PCDH15: variants seen among roughly 807,000 people sequenced by gnomAD.
PCDH15 encodes the protein protocadherin related 15.
A neutral mutation model predicts 178.5 loss-of-function variants in PCDH15; 129 were observed. That is an observed-to-expected ratio of 0.72 (90% confidence interval 0.63 to 0.84). The LOEUF (loss-of-function observed/expected upper bound fraction) is 0.84. Among genes scored for constraint, PCDH15 ranks in the 40% least tolerant of loss-of-function variants. The pLI is 0.00. For missense variants in PCDH15, 2,230 were observed against 2,099.9 expected (o/e 1.06, Z -1.21); for synonymous variants, 800 against 732.0 (o/e 1.09, Z -1.50).
At chr10:54,968,791 G>A (rs1341005422) in intron 2 of PCDH15, among the ~76,000 whole-genome samples, 6 of 151,938 alleles carry the variant, frequency 3.9e-5, no homozygotes, top group Non-Finnish European at 8.8e-5. Flanking sequence ...TGGATGCTCT[G>A]TTTATTTTGG....
intron 2 of PCDH15, chr10:54,600,036 A>C: frequency 7.5e-7 from 1 of 1,335,210 alleles, no homozygotes. Flanking sequence ...AAGTGGGGAA[A>C]GGTGAACAGA....
At chr10:53,906,657 A>T (rs1175776405) in intron 25 of PCDH15, among the ~76,000 whole-genome samples, 3 of 152,240 alleles carry the variant, frequency 2.0e-5, no homozygotes, top group East Asian at 3.8e-4. Context: ...AATCAAAGTG[A>T]AGTAAGTCCA....
At position 55,067,063 on chromosome 10, in the gene PCDH15, G is replaced by A. The variant is rs187986445; in HGVS notation, c.-80+99513C>T. ...TATGTATCAACAAACGAAGAAAAGA[G>A]AGACATGAAAGAGGTGATTTCTCTC... On this transcript the variant is annotated intron_variant, in intron 2 of 5. Transcript: ENST00000458638. Among the ~76,000 whole-genome samples, 235 of 152,050 alleles carry A rather than the reference G, an allele frequency of 1.5e-3. 1 individual carries two copies. Among genetic ancestry groups the A allele is most frequent in the Middle Eastern group, 6.8e-3 (2 of 294 alleles).
intron 18 of PCDH15, among the ~76,000 whole-genome samples, chr10:54,060,271 C>T (rs1301913341): frequency 6.6e-6 from 1 of 152,126 alleles, no homozygotes; most frequent in Non-Finnish European, 1.5e-5. Flanking sequence ...AATCATTTAT[C>T]AACTTAAGAT....
chr10:55,367,883 A>G (rs1845406674), intron 2 of PCDH15, among the ~76,000 whole-genome samples: 1 of 152,132 alleles, frequency 6.6e-6, no homozygotes, highest in African/African-American at 2.4e-5. Flanking sequence ...CTGAGCCTTT[A>G]AATTAATTTT....
chr10:55,021,593 T>C (rs1393941551), intron 2 of PCDH15, among the ~76,000 whole-genome samples: 1 of 152,180 alleles, frequency 6.6e-6, no homozygotes, highest in Non-Finnish European at 1.5e-5. Flanking sequence ...CCCCATAATA[T>C]GTTAAAATAA....
At chr10:55,123,004 T>TC (rs994475817) in intron 2 of PCDH15, among the ~76,000 whole-genome samples, 9 of 152,068 alleles carry the variant, frequency 5.9e-5, no homozygotes, top group African/African-American at 1.9e-4. Context: ...CCATTGAAAA[T>TC]CACATTTCCT....
intron 7 of PCDH15, 94 bp downstream of exon 7, chr10:54,329,502 G>A: frequency 1.1e-6 from 1 of 891,812 alleles, no homozygotes; most frequent in Non-Finnish European, 1.9e-6. Flanking sequence ...AGAAGTGAGT[G>A]GCACAGAGCT....
chr10:54,120,485 C>T (rs1370178117), intron 15 of PCDH15, among the ~76,000 whole-genome samples: 1 of 152,012 alleles, frequency 6.6e-6, no homozygotes, highest in Non-Finnish European at 1.5e-5. Context: ...GGATTAAAAA[C>T]AAAACAAAAC....
chr10:54,936,056 C>T (rs1410121146), intron 2 of PCDH15, among the ~76,000 whole-genome samples: 2 of 151,914 alleles, frequency 1.3e-5, no homozygotes, highest in Non-Finnish European at 2.9e-5. Context: ...CCCTCAATAC[C>T]CTCAGTTCTA....
chr10:54,731,207 C>A (rs1246670222), intron 1 of PCDH15, among the ~76,000 whole-genome samples: 5 of 150,918 alleles, frequency 3.3e-5, no homozygotes, highest in African/African-American at 1.2e-4. Flanking sequence ...CTCAAAAGTG[C>A]AATGAGCTAT....
chr10:53,836,532 G>A (rs2132702610), intron 29 of PCDH15, among the ~76,000 whole-genome samples: 2 of 152,292 alleles, frequency 1.3e-5, no homozygotes, highest in South Asian at 4.1e-4. Flanking sequence ...TCTATTCTAA[G>A]ACTGAGTTGA....
chr10:54,167,761 C>T lies in PCDH15; in HGVS notation c.1591-14468G>A, dbSNP rs867729026. Among the ~76,000 whole-genome samples the T allele has an allele frequency of 2.4e-3, 349 of 147,338 alleles. 3 individuals carry two copies. The highest frequency in any genetic ancestry group is 8.4e-3 in the African/African-American group (315 of 37,434). On this transcript the variant is annotated intron_variant, in intron 13 of 37. Coordinates refer to ENST00000644397, the MANE Select transcript of PCDH15 (RefSeq NM_001384140.1). Reference sequence around the variant, plus strand: ...TCCGCACCCCAACCTCTTATCTCTGCGCCCCAATCCCTTATTTCCGCACCC... The same window carrying T: ...TCCGCACCCCAACCTCTTATCTCTGTGCCCCAATCCCTTATTTCCGCACCC...
At chr10:54,925,434 T>C (rs1837593689) in intron 2 of PCDH15, among the ~76,000 whole-genome samples, 1 of 152,198 alleles carries the variant, frequency 6.6e-6, no homozygotes, top group Non-Finnish European at 1.5e-5. Flanking sequence ...AGGCGTTTTT[T>C]TTTGTTTTCA....
At chr10:55,188,745 GC>G (rs1341498945) in intron 1 of PCDH15, among the ~76,000 whole-genome samples, 1 of 151,346 alleles carries the variant, frequency 6.6e-6, no homozygotes, top group African/African-American at 2.4e-5. Context: ...AATAGCCTTT[GC>G]TATTTTATCT....
intron 2 of PCDH15, among the ~76,000 whole-genome samples, chr10:55,136,981 T>C (rs544662114): frequency 6.6e-6 from 1 of 152,330 alleles, no homozygotes; most frequent in South Asian, 2.1e-4. Context: ...GTATTAACTA[T>C]ATTTGTGAGA....
intron 8 of PCDH15, among the ~76,000 whole-genome samples, chr10:54,299,433 G>C (rs2060016918): frequency 6.6e-6 from 1 of 152,298 alleles, no homozygotes; most frequent in South Asian, 2.1e-4. Flanking sequence ...AAAAGCCAGG[G>C]TAAATTTAAA....
chr10:54,266,154 CACACACACAT>C (rs2057671097), intron 8 of PCDH15, among the ~76,000 whole-genome samples: 1 of 151,538 alleles, frequency 6.6e-6, no homozygotes, highest in South Asian at 2.1e-4. Flanking sequence ...CAAACACACA[CACACACACAT>C]ACACACACAC....
chr10:54,479,417 A>G (rs2078536894), intron 3 of PCDH15, among the ~76,000 whole-genome samples: 1 of 152,006 alleles, frequency 6.6e-6, no homozygotes. Flanking sequence ...TTAATATAAT[A>G]TCTTTAATAC....
Sources: gnomAD v4.1 joint callset for allele counts (sites outside exome capture counted in the v4.1 genomes callset) on GRCh38, gnomAD v4.1.1 for gene constraint, MANE v1.5 for transcripts, NCBI Gene and HGNC (gene_info 2026-07-23, HGNC 2026-07-21) for gene names.